The following HAVCR1 variants were observed in gnomAD, a reference collection of about 807,000 sequenced individuals.
HAVCR1 encodes T cell immunoglobin domain and mucin domain protein 1.
In HAVCR1, 34 loss-of-function variants were observed where a neutral mutation model predicts 32.0. The observed-to-expected ratio is 1.06, with a 90% CI of 0.81 to 1.42. The LOEUF is 1.42. HAVCR1 is among the 40% of genes most tolerant of loss of function. The pLI, the probability that HAVCR1 is intolerant of heterozygous loss-of-function variation, is 0.00. For synonymous variants in HAVCR1, 178 were observed against 170.3 expected, an observed-to-expected ratio of 1.05 and a Z score of -0.35; for missense variants, 420 against 442.3, an observed-to-expected ratio of 0.95 and a Z score of 0.45.
At chr5:157,038,427 C>A (rs1192052842) in intron 6 of HAVCR1, among the ~76,000 whole-genome samples, 1 of 152,194 alleles carries the variant, frequency 6.6e-6, no homozygotes, top group Non-Finnish European at 1.5e-5. Context: ...TTTGTAAAAT[C>A]TTAATCCCTG....
intron 5 of HAVCR1, among the ~76,000 whole-genome samples, chr5:157,044,597 A>AAGAAAGAAAGAAAG (rs1554090501): frequency 0.07 from 5,794 of 83,128 alleles, 861 homozygotes; most frequent in East Asian, 0.14. Context: ...GAAAGAAAGA[A>AAGAAAGAAAGAAAG]AGAAAGAAAG....
chr5:157,046,260 G>T (rs964762659), intron 5 of HAVCR1, among the ~76,000 whole-genome samples: 1 of 152,166 alleles, frequency 6.6e-6, no homozygotes, highest in Non-Finnish European at 1.5e-5. Context: ...GGCCTGCAAG[G>T]TGTGACCTTG....
the HAVCR1 span, among the ~76,000 whole-genome samples, chr5:157,066,197 A>G: frequency 6.6e-6 from 1 of 152,116 alleles, no homozygotes; most frequent in African/African-American, 2.4e-5. Context: ...AGCAATCATG[A>G]GTCAAATGCT....
In HAVCR1 at chr5:157,047,079, T is replaced by A. The variant is rs559261029; in HGVS notation, c.781+1959A>T. Among the ~76,000 whole-genome samples the A allele has an allele frequency of 2.0e-4, 30 of 152,284 alleles. 1 individual carries two copies. In the East Asian group the frequency reaches 5.6e-3, roughly 28 times the overall value. On this transcript the variant is annotated intron_variant, in intron 5 of 8. Coordinates refer to ENST00000523175, the MANE Select transcript of HAVCR1 (RefSeq NM_001173393.3). ...CCCTGATTATAGTCTTTTCTTATCA[T>A]GGTAAGTATGTTTGACCTCAGGAAA...
At chr5:157,058,292 G>A (rs1036629888) in intron 1 of HAVCR1, 17 of 201,758 alleles carry the variant, frequency 8.4e-5, no homozygotes, top group Admixed American at 5.0e-4. Context: ...GGCCGGGCGC[G>A]GTGGCTCAAA....
intron 8 of HAVCR1, 115 bp from the exon 9 acceptor site, chr5:157,029,956 G>A: frequency 1.4e-6 from 1 of 729,948 alleles, no homozygotes; most frequent in Non-Finnish European, 2.2e-6. Flanking sequence ...GAGACTCCAG[G>A]AGCCCCGTTC....
intron 8 of HAVCR1, 39 bp downstream of exon 8, chr5:157,032,815 G>T: frequency 2.4e-6 from 3 of 1,227,442 alleles, no homozygotes; most frequent in Non-Finnish European, 3.6e-6. Context: ...ACCAGAGTAG[G>T]AACCTCAAAA....
intron 7 of HAVCR1, among the ~76,000 whole-genome samples, chr5:157,034,530 G>A (rs1415677084): frequency 6.6e-6 from 1 of 150,998 alleles, no homozygotes; most frequent in East Asian, 2.0e-4. Context: ...ACTGCAAAGA[G>A]GCCTTCCTCT....
chr5:157,034,140 A>G (rs2113486288), intron 7 of HAVCR1, among the ~76,000 whole-genome samples: 1 of 152,082 alleles, frequency 6.6e-6, no homozygotes, highest in East Asian at 1.9e-4. Context: ...CATACGGAGG[A>G]CCCACGCCGG....
chr5:157,035,975 C>T (rs1754503363), intron 7 of HAVCR1, among the ~76,000 whole-genome samples: 1 of 152,072 alleles, frequency 6.6e-6, no homozygotes, highest in Non-Finnish European at 1.5e-5. Context: ...TTATAAGGGA[C>T]TTGAGCATCT....
chr5:157,029,995 C>A (rs1247949560), intron 8 of HAVCR1, among the ~76,000 whole-genome samples, 154 bp from the exon 9 acceptor site: 2 of 151,992 alleles, frequency 1.3e-5, no homozygotes, highest in Non-Finnish European at 2.9e-5. Flanking sequence ...ATAGTGCCTT[C>A]CAGAGTTGTA....
At chr5:157,040,763 G>T (rs1754842775) in intron 6 of HAVCR1, among the ~76,000 whole-genome samples, 1 of 152,148 alleles carries the variant, frequency 6.6e-6, no homozygotes. Context: ...AGCCAGGCAT[G>T]GTGGTGGGCG....
intron 6 of HAVCR1, among the ~76,000 whole-genome samples, chr5:157,039,756 A>G (rs1754761084): frequency 6.6e-6 from 1 of 152,224 alleles, no homozygotes; most frequent in African/African-American, 2.4e-5. Context: ...AGTGTTAACA[A>G]TGAACATCCT....
chr5:157,048,895 T>C lies in HAVCR1; in HGVS notation c.781+143A>G, dbSNP rs1755573522. 7 of 620,230 alleles carry C rather than the reference T, an allele frequency of 1.1e-5. No homozygotes were observed. The East Asian group carries it at 1.9e-4, about 17-fold the overall frequency. 38.4% of individuals were successfully genotyped at this position (620,230 alleles called of 1,614,324 possible). On this transcript the variant is annotated intron_variant, in intron 5 of 8. Transcript: ENST00000523175. Reference sequence around the variant, plus strand: ...TGACAAAACATTCAGAAAGGGTAGATATTTGTACAAGTCAAATGACTGATC... The same window carrying C: ...TGACAAAACATTCAGAAAGGGTAGACATTTGTACAAGTCAAATGACTGATC...
chr5:157,046,529 A>C (rs545499444), intron 5 of HAVCR1, among the ~76,000 whole-genome samples: 1 of 152,342 alleles, frequency 6.6e-6, no homozygotes, highest in East Asian at 1.9e-4. Flanking sequence ...TCAGAGGGTC[A>C]TGCCTCTTTG....
At chr5:157,068,544 G>A in the HAVCR1 span, among the ~76,000 whole-genome samples, 1 of 152,240 alleles carries the variant, frequency 6.6e-6, no homozygotes, top group African/African-American at 2.4e-5. Context: ...CTATGATTGA[G>A]CCACTGCACT....
chr5:157,037,138 C>A, intron 7 of HAVCR1, 109 bp downstream of exon 7: 1 of 726,226 alleles, frequency 1.4e-6, no homozygotes. Context: ...TTTGGGGAGA[C>A]AAAGGGAAGT....
At chr5:157,038,830 C>T (rs1438752178) in intron 6 of HAVCR1, among the ~76,000 whole-genome samples, 1 of 152,100 alleles carries the variant, frequency 6.6e-6, no homozygotes, top group Non-Finnish European at 1.5e-5. Context: ...AAAAGGAAAA[C>T]TAAAAAAACC....
At chr5:157,053,771 G>A (rs560916595) in intron 3 of HAVCR1, among the ~76,000 whole-genome samples, 5 of 152,186 alleles carry the variant, frequency 3.3e-5, no homozygotes, top group African/African-American at 7.2e-5. Context: ...TCAGGAGGCC[G>A]AGGCAGGAGA....
Sources: gnomAD v4.1 joint callset for allele counts (sites outside exome capture counted in the v4.1 genomes callset) on GRCh38, gnomAD v4.1.1 for gene constraint, MANE v1.5 for transcripts, NCBI Gene and HGNC (gene_info 2026-07-23, HGNC 2026-07-21) for gene names.